The following SNX13 variants were observed in gnomAD, a reference collection of about 807,000 sequenced individuals.
SNX13 encodes sorting nexin-13.
A neutral mutation model predicts 133.6 loss-of-function variants in SNX13; 45 were observed. The ratio of observed to expected loss-of-function variants is 0.34; its 90% CI spans 0.27 to 0.43. The LOEUF is 0.43. SNX13 is among the 20% of genes least tolerant of loss of function. The probability of loss-of-function intolerance (pLI) is 1.00; values close to 1 mark genes in which losing one functional copy is unlikely to be tolerated. For missense variants in SNX13, 1,032 were observed against 1,145.1 expected (o/e 0.90, Z 1.43); for synonymous variants, 414 against 373.9 (o/e 1.11, Z -1.24).
chr7:17,931,071 C>T (rs1296843325), intron 1 of SNX13, among the ~76,000 whole-genome samples: 1 of 152,164 alleles, frequency 6.6e-6, no homozygotes, highest in African/African-American at 2.4e-5. Flanking sequence ...ACTCTCCTGA[C>T]TCCCACCAGG....
intron 20 of SNX13, among the ~76,000 whole-genome samples, chr7:17,805,265 G>GCGCGCACGCGCA (rs771908159): frequency 6.8e-6 from 1 of 146,004 alleles, no homozygotes; most frequent in African/African-American, 2.5e-5. Context: ...GCGCGCGCGC[G>GCGCGCACGCGCA]CATGCATGCA....
chr7:17,863,692 CAGGCGTT>C (rs1432011483), intron 9 of SNX13, among the ~76,000 whole-genome samples: 3 of 152,312 alleles, frequency 2.0e-5, no homozygotes, highest in African/African-American at 7.2e-5. Context: ...GCAGTGGCCA[CAGGCGTT>C]AGGCAAGCCC....
intron 1 of SNX13, among the ~76,000 whole-genome samples, chr7:17,929,171 T>A (rs190090111): frequency 6.6e-6 from 1 of 151,680 alleles, no homozygotes; most frequent in East Asian, 1.9e-4. Context: ...AATCAACAAA[T>A]ACACAAAGCA....
chr7:17,932,035 C>T (rs1016944409), intron 1 of SNX13, among the ~76,000 whole-genome samples: 9 of 152,130 alleles, frequency 5.9e-5, no homozygotes, highest in African/African-American at 2.2e-4. Flanking sequence ...TTTACTGATA[C>T]TTACAAACTT....
intron 9 of SNX13, among the ~76,000 whole-genome samples, chr7:17,861,101 G>A (rs1792617008): frequency 6.6e-6 from 1 of 151,988 alleles, no homozygotes; most frequent in African/African-American, 2.4e-5. Flanking sequence ...CTGCAGCTTT[G>A]ATCTCCTGGG....
At chr7:17,837,770 A>C (rs1789319769) in intron 13 of SNX13, among the ~76,000 whole-genome samples, 1 of 152,068 alleles carries the variant, frequency 6.6e-6, no homozygotes, top group Admixed American at 6.6e-5. Flanking sequence ...ATTCCAAATA[A>C]ATTACTTTTA....
Position 17,806,260 on chromosome 7 carries a change from G to C in SNX13, c.2065-2680C>G, listed in dbSNP as rs1013613814. Among the ~76,000 whole-genome samples, 5 of 152,150 alleles carry C rather than the reference G, an allele frequency of 3.3e-5. No individual in the cohort carries two copies. In the East Asian group the frequency reaches 7.7e-4, roughly 23 times the overall value. On this transcript the variant is annotated intron_variant, in intron 20 of 25. Transcript: ENST00000428135. ...AAAGATACTGTGTACAAAGGAGAAA[G>C]GCTACCTGTCTGTTACTTTTTCTAA... is the stretch of plus-strand genomic sequence containing the variant.
rs560672033 is a variant in SNX13, at chr7:17,908,303, C to G, written c.13-10857G>C. ...CAAAACCTTCATTATAGCTGCATGA[C>G]TATATCATTACTGCTTCTCCCTGTA... is the stretch of plus-strand genomic sequence containing the variant. On this transcript the variant is annotated intron_variant, in intron 1 of 25. Transcript: ENST00000428135. Among the ~76,000 whole-genome samples, 40 of 152,302 alleles carry G rather than the reference C, an allele frequency of 2.6e-4. 1 individual carries two copies. The highest frequency in any genetic ancestry group is 9.4e-4 in the African/African-American group (39 of 41,566).
At chr7:17,794,937 A>G (rs548536637) in intron 25 of SNX13, 25 of 151,800 alleles carry the variant, frequency 1.6e-4, no homozygotes, top group African/African-American at 6.0e-4. Flanking sequence ...TAACAAAGAA[A>G]AGTTCCCTTT....
chr7:17,815,091 T>C, intron 19 of SNX13, 147 bp from the exon 20 acceptor site: 1 of 835,462 alleles, frequency 1.2e-6, no homozygotes. Flanking sequence ...ATTATACAGT[T>C]AGGATAAAGT....
At position 17,873,516 on chromosome 7, in the gene SNX13, G is replaced by T. The variant is rs1363523178; in HGVS notation, c.753+12C>A. On this transcript the variant is annotated intron_variant, in intron 8 of 25. Coordinates refer to ENST00000428135, the MANE Select transcript of SNX13 (RefSeq NM_015132.5). The stretch of plus-strand genomic sequence containing the variant: ...TTTTTGCAGGTATGATATGGTATGA[G>T]TTTAAGCTTACCCTGACAAAGTATC... The T allele has an allele frequency of 6.5e-7, 1 of 1,545,342 alleles. No individual in the cohort carries two copies.
At chr7:17,900,879 A>C (rs1342089164) in intron 1 of SNX13, among the ~76,000 whole-genome samples, 1 of 152,122 alleles carries the variant, frequency 6.6e-6, no homozygotes, top group Non-Finnish European at 1.5e-5. Context: ...AAACAGAAGA[A>C]GTCCCCCCGC....
chr7:17,797,504 C>T (rs1293511539), intron 24 of SNX13, among the ~76,000 whole-genome samples: 1 of 151,810 alleles, frequency 6.6e-6, no homozygotes, highest in East Asian at 1.9e-4. Flanking sequence ...GGTCTGAAGG[C>T]AGGGACTGAG....
chr7:17,875,662 A>G lies in SNX13; in HGVS notation c.562+7T>C. 2 of 1,608,936 alleles carry G rather than the reference A, an allele frequency of 1.2e-6. No homozygotes were observed. The highest frequency in any genetic ancestry group is 1.7e-6 in the Non-Finnish European group (2 of 1,177,452). ...ATCCTAGTTTTCAAATGGAATAAAG[A>G]TATTACCTTTCACTTGATCATCTTT... On this transcript the variant is annotated splice_region_variant and intron_variant, in intron 6 of 25. Coordinates refer to ENST00000428135, the MANE Select transcript of SNX13 (RefSeq NM_015132.5).
chr7:17,908,292 T>C (rs1266403244), intron 1 of SNX13, among the ~76,000 whole-genome samples: 1 of 152,176 alleles, frequency 6.6e-6, no homozygotes, highest in Non-Finnish European at 1.5e-5. Flanking sequence ...ACCTTCATTA[T>C]AGCTGCATGA....
chr7:17,833,574 C>A (rs1788771316), intron 15 of SNX13, among the ~76,000 whole-genome samples: 2 of 151,584 alleles, frequency 1.3e-5, no homozygotes, highest in Non-Finnish European at 3.0e-5. Flanking sequence ...ATAAATGACT[C>A]TTGCGGCTTT....
At chr7:17,853,932 A>C (rs1022074397) in intron 9 of SNX13, among the ~76,000 whole-genome samples, 3 of 151,884 alleles carry the variant, frequency 2.0e-5, no homozygotes, top group African/African-American at 2.4e-5. Context: ...CAGAGCGAGA[A>C]TCCATCTCCA....
intron 8 of SNX13, among the ~76,000 whole-genome samples, chr7:17,870,814 CA>C (rs1218817668): frequency 6.6e-6 from 1 of 152,086 alleles, no homozygotes; most frequent in Non-Finnish European, 1.5e-5. Flanking sequence ...AATTAACAAC[CA>C]AATTACCATC....
intron 1 of SNX13, among the ~76,000 whole-genome samples, chr7:17,940,006 T>A (rs1802622248): frequency 1.3e-5 from 2 of 151,726 alleles, no homozygotes; most frequent in South Asian, 4.2e-4. Flanking sequence ...GAGCGATGAG[T>A]TAGAAGGGAG....
Sources: gnomAD v4.1 joint callset for allele counts (sites outside exome capture counted in the v4.1 genomes callset) on GRCh38, gnomAD v4.1.1 for gene constraint, MANE v1.5 for transcripts, NCBI Gene and HGNC (gene_info 2026-07-23, HGNC 2026-07-21) for gene names.